Variants in AP3B1 observed in about 807,000 individuals in gnomAD.
AP3B1 encodes the protein adaptor related protein complex 3 subunit beta 1.
A neutral mutation model predicts 132.5 loss-of-function variants in AP3B1; 61 were observed. The ratio of observed to expected loss-of-function variants is 0.46; its 90% CI spans 0.37 to 0.57. The LOEUF (loss-of-function observed/expected upper bound fraction) is 0.57, where lower values mean the gene tolerates loss of function less well. Ranked by LOEUF, AP3B1 falls within the 20% of genes least tolerant of loss-of-function variation. The probability of loss-of-function intolerance (pLI) is 0.00; values close to 1 mark genes in which losing one functional copy is unlikely to be tolerated. For synonymous variants in AP3B1, 388 were observed against 438.3 expected (o/e 0.89, Z 1.43); for missense variants, 1,120 against 1,289.4 (o/e 0.87, Z 2.01).
At chr5:78,011,149 TCTC>T (rs982662997) in intron 26 of AP3B1, among the ~76,000 whole-genome samples, 20 of 151,480 alleles carry the variant, frequency 1.3e-4, no homozygotes, top group Admixed American at 1.3e-3. Flanking sequence ...TTCAAGCAAT[TCTC>T]CTGTCTCAGC....
rs544788008 is a variant in AP3B1 at position 78,022,068 on chromosome 5, T to C, written c.2895-1279A>G. On this transcript the variant is annotated intron_variant, in intron 24 of 26. Coordinates refer to ENST00000255194, the MANE Select transcript of AP3B1 (RefSeq NM_003664.5). Reference sequence around the variant, plus strand: ...AATGACATAATATAAAAAAAGAACATAAAATCGACTTTTATTTTATGCTAT... The same window carrying C: ...AATGACATAATATAAAAAAAGAACACAAAATCGACTTTTATTTTATGCTAT... Among the ~76,000 whole-genome samples, 4 of 152,286 alleles carry C rather than the reference T, an allele frequency of 2.6e-5. No individual in the cohort carries two copies. In the South Asian group the frequency reaches 6.2e-4, roughly 24 times the overall value.
chr5:78,203,995 T>G (rs1745404063), intron 7 of AP3B1, among the ~76,000 whole-genome samples: 1 of 152,208 alleles, frequency 6.6e-6, no homozygotes. Context: ...ATTGTTTTCC[T>G]GGTTTCATTT....
intron 7 of AP3B1, among the ~76,000 whole-genome samples, chr5:78,210,205 ATTTGT>A (rs1745678229): frequency 6.6e-6 from 1 of 152,166 alleles, no homozygotes; most frequent in South Asian, 2.1e-4. Context: ...ACATGACAAA[ATTTGT>A]TTTAACAAAG....
chr5:78,238,804 T>C (rs897104485), intron 3 of AP3B1, among the ~76,000 whole-genome samples: 2 of 151,222 alleles, frequency 1.3e-5, no homozygotes, highest in African/African-American at 2.4e-5. Flanking sequence ...AGAATAATAG[T>C]AGACTCAAAT....
intron 11 of AP3B1, among the ~76,000 whole-genome samples, chr5:78,172,461 T>C (rs895644259): frequency 2.0e-5 from 3 of 152,240 alleles, no homozygotes; most frequent in African/African-American, 7.2e-5. Flanking sequence ...CGTTTAGTCT[T>C]GGGAGTGTGT....
intron 13 of AP3B1, among the ~76,000 whole-genome samples, chr5:78,157,473 T>C (rs1743198454): frequency 6.6e-6 from 1 of 152,216 alleles, no homozygotes. Context: ...TTACGGGATT[T>C]AGTTATCATA....
At chr5:78,107,159 A>G (rs1379667787) in intron 20 of AP3B1, among the ~76,000 whole-genome samples, 1 of 152,190 alleles carries the variant, frequency 6.6e-6, no homozygotes, top group Non-Finnish European at 1.5e-5. Context: ...AGGCGTGTAA[A>G]AAGTGAAGCA....
intron 21 of AP3B1, 141 bp downstream of exon 21, chr5:78,100,812 C>T: frequency 1.8e-6 from 1 of 554,406 alleles, no homozygotes; most frequent in African/African-American, 1.9e-5. Flanking sequence ...CACTGATTTC[C>T]AAAACTTTCT....
intron 2 of AP3B1, among the ~76,000 whole-genome samples, chr5:78,266,365 C>T (rs948935150): frequency 6.6e-6 from 1 of 152,116 alleles, no homozygotes; most frequent in Non-Finnish European, 1.5e-5. Context: ...CCCTATACTG[C>T]CAAATGACAT....
chr5:78,259,526 G>T (rs1311061132), intron 2 of AP3B1, among the ~76,000 whole-genome samples: 1 of 152,090 alleles, frequency 6.6e-6, no homozygotes, highest in Non-Finnish European at 1.5e-5. Flanking sequence ...GAGTGTAATT[G>T]AATTGTTTGT....
At chr5:78,245,737 T>TGAAGTACCCCTGG (rs927810861) in intron 2 of AP3B1, among the ~76,000 whole-genome samples, 4 of 152,168 alleles carry the variant, frequency 2.6e-5, no homozygotes, top group African/African-American at 9.7e-5. Context: ...CTGGTCCCCT[T>TGAAGTACCCCTGG]GTACTCTTTT....
intron 22 of AP3B1, among the ~76,000 whole-genome samples, chr5:78,048,670 A>G (rs1748446702): frequency 6.6e-6 from 1 of 152,246 alleles, no homozygotes; most frequent in African/African-American, 2.4e-5. Context: ...AAAAGCATAG[A>G]TGAGAGACAG....
intron 22 of AP3B1, among the ~76,000 whole-genome samples, chr5:78,084,536 A>G (rs939266553): frequency 1.5e-5 from 2 of 136,274 alleles, no homozygotes; most frequent in Non-Finnish European, 3.4e-5. Context: ...AAAAAAAAAA[A>G]AAAAAAAAAA....
At chr5:78,260,137 A>G (rs1353968104) in intron 2 of AP3B1, among the ~76,000 whole-genome samples, 2 of 152,176 alleles carry the variant, frequency 1.3e-5, no homozygotes, top group African/African-American at 4.8e-5. Flanking sequence ...AAAAGAAAAC[A>G]TTGCAACCCA....
At chr5:78,291,420 G>A (rs75395813) in intron 1 of AP3B1, among the ~76,000 whole-genome samples, 402 of 85,542 alleles carry the variant, frequency 4.7e-3, no homozygotes, top group Middle Eastern at 0.01. Flanking sequence ...CAGATAATTT[G>A]AAAAAAAAAA....
chr5:78,289,901 C>T (rs1449731694), intron 1 of AP3B1, among the ~76,000 whole-genome samples: 1 of 152,134 alleles, frequency 6.6e-6, no homozygotes, highest in Non-Finnish European at 1.5e-5. Flanking sequence ...TTTGAACATG[C>T]TTTTTCTTTT....
chr5:78,168,037 AT>A (rs1327780432), intron 11 of AP3B1, among the ~76,000 whole-genome samples: 1 of 151,648 alleles, frequency 6.6e-6, no homozygotes, highest in African/African-American at 2.4e-5. Context: ...AACAAAAAAA[AT>A]AAAACAGCAA....
chr5:78,121,919 T>C (rs1240486790), intron 17 of AP3B1: 7 of 152,292 alleles, frequency 4.6e-5, no homozygotes, highest in African/African-American at 9.7e-5. Flanking sequence ...ACCAATATCC[T>C]TGATGAACAT....
At chr5:78,162,691 T>G in intron 13 of AP3B1, 128 bp downstream of exon 13, 1 of 965,832 alleles carries the variant, frequency 1.0e-6, no homozygotes, top group Non-Finnish European at 1.6e-6. Flanking sequence ...ATGCTACTTA[T>G]TGTGACCATA....
Sources: gnomAD v4.1 joint callset for allele counts (sites outside exome capture counted in the v4.1 genomes callset) on GRCh38, gnomAD v4.1.1 for gene constraint, MANE v1.5 for transcripts, NCBI Gene and HGNC (gene_info 2026-07-23, HGNC 2026-07-21) for gene names.